WDR7: variants seen among roughly 807,000 people sequenced by gnomAD.
WDR7 encodes WD repeat domain 7.
WDR7 carries 46 observed loss-of-function variants against 169.4 expected under a neutral mutation model. The ratio of observed to expected loss-of-function variants is 0.27; its 90% CI spans 0.21 to 0.35. The LOEUF (loss-of-function observed/expected upper bound fraction) is 0.35, where lower values mean the gene tolerates loss of function less well. WDR7 is among the 10% of genes least tolerant of loss of function. The pLI, the probability that WDR7 is intolerant of heterozygous loss-of-function variation, is 1.00. For missense variants in WDR7, 1,534 were observed against 1,859.3 expected, an observed-to-expected ratio of 0.83 and a Z score of 3.22; for synonymous variants, 612 against 666.8, an observed-to-expected ratio of 0.92 and a Z score of 1.27.
chr18:56,832,206 G>A (rs1158888242), intron 20 of WDR7, among the ~76,000 whole-genome samples: 2 of 152,174 alleles, frequency 1.3e-5, no homozygotes, highest in Non-Finnish European at 2.9e-5. Context: ...TCCTCTCACG[G>A]TGTAAACAAA....
chr18:56,692,397 G>A (rs1320350403), intron 9 of WDR7, among the ~76,000 whole-genome samples: 1 of 150,000 alleles, frequency 6.7e-6, no homozygotes, highest in Non-Finnish European at 1.5e-5. Context: ...TCTATATTGA[G>A]CAGTAAGAAA....
chr18:56,750,057 A>T (rs12455955), intron 14 of WDR7, among the ~76,000 whole-genome samples: 9,652 of 151,880 alleles, frequency 0.064, 421 homozygotes, highest in East Asian at 0.12. Flanking sequence ...GCCAAAAAAT[A>T]TCCATGCTTG....
At chr18:56,660,941 A>G (rs1324209554) in intron 1 of WDR7, among the ~76,000 whole-genome samples, 2 of 152,160 alleles carry the variant, frequency 1.3e-5, no homozygotes, top group South Asian at 4.1e-4. Context: ...TTAACTTGAG[A>G]CATCACATAT....
intron 9 of WDR7, among the ~76,000 whole-genome samples, chr18:56,692,544 C>T (rs1338689700): frequency 1.4e-5 from 2 of 143,040 alleles, no homozygotes; most frequent in Admixed American, 7.5e-5. Flanking sequence ...GGGAATTGTT[C>T]TTTCCATGAA....
rs371051222 is a variant in WDR7 at position 57,026,994 on chromosome 18, G to A, written c.4270-10G>A. 6.2e-7 allele frequency: 1 copy of A among 1,612,338 alleles called. No homozygotes were observed. The highest frequency in any genetic ancestry group is 8.5e-7 in the Non-Finnish European group (1 of 1,179,250). On this transcript the variant is annotated splice_polypyrimidine_tract_variant and intron_variant, in intron 27 of 27. Coordinates refer to ENST00000254442, the MANE Select transcript of WDR7 (RefSeq NM_015285.3). ...GTTCAAGTGACACATGTGCTCTCCT[G>A]TCCCTCCAGATGAACACGTCACTGC...
chr18:56,921,848 G>C (rs1192527359), intron 21 of WDR7, among the ~76,000 whole-genome samples: 2 of 152,096 alleles, frequency 1.3e-5, no homozygotes, highest in Admixed American at 1.3e-4. Flanking sequence ...GCTTCCTCTA[G>C]AGCTCCCAAC....
At chr18:56,720,567 A>G (rs1015825934) in intron 13 of WDR7, among the ~76,000 whole-genome samples, 2 of 152,256 alleles carry the variant, frequency 1.3e-5, no homozygotes, top group East Asian at 1.9e-4. Context: ...TGAAGAGACT[A>G]TCATTTTTCT....
At chr18:56,975,201 A>G (rs1568295708) in intron 26 of WDR7, among the ~76,000 whole-genome samples, 2 of 151,386 alleles carry the variant, frequency 1.3e-5, no homozygotes, top group African/African-American at 2.4e-5. Context: ...ACGCCACTGC[A>G]CTCCAGCCTA....
chr18:56,661,426 A>G (rs925258388), intron 1 of WDR7, among the ~76,000 whole-genome samples: 2 of 152,214 alleles, frequency 1.3e-5, no homozygotes, highest in Non-Finnish European at 2.9e-5. Context: ...CTCAGCATCT[A>G]TGAATCACTT....
downstream of WDR7, chr18:57,034,369 T>C (rs2048456352): frequency 6.6e-6 from 1 of 152,166 alleles, no homozygotes; most frequent in African/African-American, 2.4e-5. Context: ...GGGCATTTCC[T>C]TACAGATGCT....
intron 1 of WDR7, among the ~76,000 whole-genome samples, chr18:56,667,561 G>A (rs1322658822): frequency 6.6e-6 from 1 of 152,116 alleles, no homozygotes; most frequent in Non-Finnish European, 1.5e-5. Flanking sequence ...TTATGGTTAA[G>A]CATAGAGTAA....
intron 19 of WDR7, among the ~76,000 whole-genome samples, chr18:56,815,548 T>C (rs2044950632): frequency 6.6e-6 from 1 of 152,224 alleles, no homozygotes. Context: ...GGAGATGTTA[T>C]ACTTTTTTTG....
intron 13 of WDR7, among the ~76,000 whole-genome samples, chr18:56,719,456 G>T (rs2026268037): frequency 6.6e-6 from 1 of 151,810 alleles, no homozygotes; most frequent in Non-Finnish European, 1.5e-5. Flanking sequence ...CAGCTACTTG[G>T]GAGGCTGAGG....
intron 1 of WDR7, among the ~76,000 whole-genome samples, chr18:56,669,429 T>C (rs1282920186): frequency 1.3e-5 from 2 of 152,142 alleles, no homozygotes; most frequent in Non-Finnish European, 2.9e-5. Flanking sequence ...CTGATATTTG[T>C]TGGCTCCAGA....
At chr18:56,959,660 T>C (rs999395873) in intron 25 of WDR7, among the ~76,000 whole-genome samples, 3 of 152,114 alleles carry the variant, frequency 2.0e-5, no homozygotes, top group African/African-American at 7.2e-5. Flanking sequence ...AACCCCCAAA[T>C]TTTACAGGAA....
chr18:56,978,009 A>G (rs941821970), intron 26 of WDR7, among the ~76,000 whole-genome samples: 3 of 152,246 alleles, frequency 2.0e-5, no homozygotes, highest in Non-Finnish European at 4.4e-5. Context: ...AGACACGTAT[A>G]TAAGCCTCTG....
intron 19 of WDR7, among the ~76,000 whole-genome samples, chr18:56,794,322 T>TTTTTTTTTTTTTTTTTTTTTTTTA (rs2044546171): frequency 8.0e-6 from 1 of 124,408 alleles, no homozygotes; most frequent in Non-Finnish European, 1.7e-5. Context: ...TTTTTTTTTT[T>TTTTTTTTTTTTTTTTTTTTTTTTA]TTTTTGAGAC....
At chr18:56,685,874 A>T in intron 5 of WDR7, 82 bp from the exon 6 acceptor site, 1 of 1,123,888 alleles carries the variant, frequency 8.9e-7, no homozygotes, top group Non-Finnish European at 1.3e-6. Flanking sequence ...GTTTAATTTT[A>T]TTCAAGCAAA....
intron 26 of WDR7, among the ~76,000 whole-genome samples, chr18:57,003,465 C>T (rs781722338): frequency 1.8e-4 from 28 of 151,952 alleles, no homozygotes; most frequent in Non-Finnish European, 3.4e-4. Context: ...TCTCTAATTA[C>T]TCAGAGAGAG....
Sources: gnomAD v4.1 joint callset for allele counts (sites outside exome capture counted in the v4.1 genomes callset) on GRCh38, gnomAD v4.1.1 for gene constraint, MANE v1.5 for transcripts, NCBI Gene and HGNC (gene_info 2026-07-23, HGNC 2026-07-21) for gene names.